Variants in SPON1 observed in about 807,000 individuals in gnomAD.
SPON1 encodes spondin-1.
SPON1 carries 52 observed loss-of-function variants against 111.7 expected under a neutral mutation model. The ratio of observed to expected loss-of-function variants is 0.47; its 90% CI spans 0.37 to 0.59. SPON1 has a LOEUF of 0.59. Ranked by LOEUF, SPON1 falls within the 20% of genes least tolerant of loss-of-function variation. The pLI, the probability that SPON1 is intolerant of heterozygous loss-of-function variation, is 0.00. For missense variants in SPON1, 957 were observed against 1,068.5 expected, an observed-to-expected ratio of 0.90 and a Z score of 1.46; for synonymous variants, 410 against 395.8, an observed-to-expected ratio of 1.04 and a Z score of -0.43.
intron 6 of SPON1, among the ~76,000 whole-genome samples, chr11:14,161,241 A>C (rs1405715034): frequency 4.9e-5 from 3 of 61,158 alleles, no homozygotes; most frequent in African/African-American, 1.6e-4. Context: ...ATATATTTAT[A>C]TATCTATATA....
chr11:14,025,351 A>G (rs1287840585), intron 2 of SPON1, among the ~76,000 whole-genome samples: 1 of 152,244 alleles, frequency 6.6e-6, no homozygotes, highest in Admixed American at 6.5e-5. Flanking sequence ...CATTCTACAA[A>G]TATTGATCAA....
At chr11:14,183,296 G>A (rs1402571490) in intron 6 of SPON1, among the ~76,000 whole-genome samples, 5 of 152,184 alleles carry the variant, frequency 3.3e-5, no homozygotes, top group African/African-American at 1.2e-4. Context: ...GATTGTCTCA[G>A]TGTTCCTTGC....
Position 14,008,123 on chromosome 11 carries a change from A to C in SPON1, c.345+25170A>C, listed in dbSNP as rs1337064561. 2.0e-5 allele frequency among the ~76,000 whole-genome samples: 3 copies of C among 152,190 alleles called. No individual in the cohort carries two copies. The East Asian group carries it at 5.8e-4, about 29-fold the overall frequency. ...TGATTCAGCCAAAAATATTGGAAAA[A>C]TAAAAATTAAAAATTAATACAGATT... is the stretch of plus-strand genomic sequence containing the variant. On this transcript the variant is annotated intron_variant, in intron 2 of 15. Coordinates refer to ENST00000576479, the MANE Select transcript of SPON1 (RefSeq NM_006108.4).
At chr11:14,162,446 G>A (rs1270412399) in intron 6 of SPON1, among the ~76,000 whole-genome samples, 6 of 152,132 alleles carry the variant, frequency 3.9e-5, no homozygotes, top group Non-Finnish European at 8.8e-5. Context: ...CCTTCAATCA[G>A]AAATATAAAT....
chr11:14,083,976 A>G (rs572028960), intron 5 of SPON1, among the ~76,000 whole-genome samples: 4 of 152,356 alleles, frequency 2.6e-5, no homozygotes, highest in East Asian at 3.9e-4. Flanking sequence ...AAAGAGTCGC[A>G]TAAGTGCTTT....
Position 14,257,730 on chromosome 11 carries a change from A to G in SPON1, c.1324A>G (p.Thr442Ala), listed in dbSNP as rs782705615. 6.2e-7 allele frequency: 1 copy of G among 1,611,464 alleles called. No individual in the cohort carries two copies. The highest frequency in any genetic ancestry group is 1.1e-5 in the South Asian group (1 of 90,678). The change falls in exon 11 of 16, where the codon ACC (threonine) becomes GCC (alanine). Residue 442 changes from threonine to alanine, a missense_variant. Thr to Ala is a moderately conservative substitution (Grantham distance 58). This residue lies in a region of SPON1 where 549 missense variants were observed against 606.2 expected (regional missense o/e 0.91). Transcript: ENST00000576479. ...EEKDEDDTPE[T>A]CIYSNWSPWS... ...ACTCTTTCCAGATGACACCCCTGAA[A>G]CCTGCATCTACTCCAACTGGTCCCC... is the stretch of plus-strand genomic sequence containing the variant.
At chr11:13,998,911 G>T (rs905201854) in intron 2 of SPON1, among the ~76,000 whole-genome samples, 26 of 152,082 alleles carry the variant, frequency 1.7e-4, no homozygotes, top group Admixed American at 1.4e-3. Context: ...ATGCAAAAAA[G>T]AACTTTTTCA....
intron 14 of SPON1, among the ~76,000 whole-genome samples, chr11:14,261,169 G>A (rs1849166946): frequency 6.6e-6 from 1 of 152,094 alleles, no homozygotes; most frequent in Non-Finnish European, 1.5e-5. Flanking sequence ...AATGACTCCT[G>A]CAGACTGGTA....
rs1848663311 is a variant in SPON1, at chr11:14,045,648, C to T, written c.479+3994C>T. On this transcript the variant is annotated intron_variant, in intron 3 of 15. Transcript: ENST00000576479. Reference sequence around the variant, plus strand: ...TATATATATTATATTTAAAATATAGCTTATAAAATGTTTTTATAAATATAT... The same window carrying T: ...TATATATATTATATTTAAAATATAGTTTATAAAATGTTTTTATAAATATAT... Among the ~76,000 whole-genome samples the T allele has an allele frequency of 2.0e-5, 3 of 148,130 alleles. No individual in the cohort carries two copies. The South Asian group carries it at 6.3e-4, about 31-fold the overall frequency.
At position 14,135,315 on chromosome 11, in the gene SPON1, G is replaced by GTGC; in HGVS notation, c.677-103_677-101dup. 2 of 1,303,094 alleles carry GTGC rather than the reference G, an allele frequency of 1.5e-6. No individual in the cohort carries two copies. The highest frequency in any genetic ancestry group is 2.1e-6 in the Non-Finnish European group (2 of 933,752). 80.7% of individuals were successfully genotyped at this position (1,303,094 alleles called of 1,614,324 possible). A position where few individuals can be genotyped will look rare whatever the true frequency, so the allele number is the denominator to read the frequency against. ...CTAAGACAGAATAGGTGCTTAGTCA[G>GTGC]TGCTCTTTGAATCGATGTCCAATTA... is the stretch of plus-strand genomic sequence containing the variant. On this transcript the variant is annotated intron_variant, in intron 5 of 15. Transcript: ENST00000576479. This position sits in a 1 kb window ranked among gnomAD's most constrained non-coding sequence, Gnocchi z 4.4.
intron 6 of SPON1, among the ~76,000 whole-genome samples, chr11:14,160,349 G>T (rs1847895134): frequency 8.1e-6 from 1 of 124,040 alleles, no homozygotes; most frequent in South Asian, 2.4e-4. Context: ...TTATAGCTCA[G>T]CCTAACCTAC....
chr11:14,022,569 C>A (rs1263917341), intron 2 of SPON1, among the ~76,000 whole-genome samples: 1 of 152,146 alleles, frequency 6.6e-6, no homozygotes, highest in Non-Finnish European at 1.5e-5. Flanking sequence ...TTGCTGAAAT[C>A]CTCTGAATCT....
At chr11:14,091,287 C>A (rs537258946) in intron 5 of SPON1, among the ~76,000 whole-genome samples, 8 of 152,366 alleles carry the variant, frequency 5.3e-5, no homozygotes, top group African/African-American at 1.9e-4. Context: ...CGCACCGGGG[C>A]TGCAGGTGGA....
intron 7 of SPON1, among the ~76,000 whole-genome samples, chr11:14,247,511 G>A (rs186500526): frequency 6.6e-6 from 1 of 152,324 alleles, no homozygotes; most frequent in African/African-American, 2.4e-5. Flanking sequence ...AAGGGTAGAT[G>A]CGGGAGCCCA....
chr11:14,122,267 A>T lies in SPON1; in HGVS notation c.677-13153A>T, dbSNP rs1487663673. 3.3e-5 allele frequency among the ~76,000 whole-genome samples: 5 copies of T among 152,128 alleles called. No individual in the cohort carries two copies. In the East Asian group the frequency reaches 9.6e-4, roughly 29 times the overall value. ...CGGCCCACTGCAAGCTCTACCTCCC[A>T]GGTTCATACCATTCTCCTGCCTCAG... On this transcript the variant is annotated intron_variant, in intron 5 of 15. Transcript: ENST00000576479.
chr11:14,004,616 G>C (rs1554912879), intron 2 of SPON1, among the ~76,000 whole-genome samples: 1 of 152,104 alleles, frequency 6.6e-6, no homozygotes, highest in African/African-American at 2.4e-5. Flanking sequence ...ATACCTGTTG[G>C]CCATTTTTAT....
At chr11:14,084,104 AAT>A (rs1848985994) in intron 5 of SPON1, among the ~76,000 whole-genome samples, 1 of 152,160 alleles carries the variant, frequency 6.6e-6, no homozygotes, top group Non-Finnish European at 1.5e-5. Flanking sequence ...TAATGAAATT[AAT>A]CATTTTTATT....
rs1564918840 is a variant in SPON1 at position 14,160,423 on chromosome 11, ATATATATT to A, written c.825+24863_825+24870del. On this transcript the variant is annotated intron_variant, in intron 6 of 15. Transcript: ENST00000576479. ...TATATTTATATATATATATTTATATATATATATTTATATATATATTTATATATATATTT... is the reference window on the plus strand; with the variant it reads ...TATATTTATATATATATATTTATATATATATATATATTTATATATATATTT... 3.8e-4 allele frequency among the ~76,000 whole-genome samples: 4 copies of A among 10,416 alleles called. 1 individual carries two copies. The highest frequency in any genetic ancestry group is 5.7e-4 in the Non-Finnish European group (4 of 6,976). The allele number at this position is 10,416 out of a possible 152,430, so 6.8% of individuals were successfully genotyped here. A position where few individuals can be genotyped will look rare whatever the true frequency, so the allele number is the denominator to read the frequency against.
chr11:14,135,990 GA>G lies in SPON1; in HGVS notation c.825+423del, dbSNP rs1847587275. Reference sequence around the variant, plus strand: ...TTTGCAACTATGTCTTGAGGTACTTGATAAATTAGTCGTTCGTTCATCATAA... The same window carrying G: ...TTTGCAACTATGTCTTGAGGTACTTGTAAATTAGTCGTTCGTTCATCATAA... On this transcript the variant is annotated intron_variant, in intron 6 of 15. Transcript: ENST00000576479. This position sits in a 1 kb window ranked among gnomAD's most constrained non-coding sequence, Gnocchi z 4.4. Among the ~76,000 whole-genome samples the G allele has an allele frequency of 6.6e-6, 1 of 152,168 alleles. No homozygotes were observed. The highest frequency in any genetic ancestry group is 1.5e-5 in the Non-Finnish European group (1 of 68,028).
Sources: gnomAD v4.1 joint callset for allele counts (sites outside exome capture counted in the v4.1 genomes callset) on GRCh38, gnomAD v4.1.1 for gene constraint, gnomAD v4.1.1 regional missense constraint, Gnocchi (gnomAD v3.1) non-coding constraint, MANE v1.5 for transcripts, NCBI Gene and HGNC (gene_info 2026-07-23, HGNC 2026-07-21) for gene names.